The following KIF16B variants were observed in gnomAD, a reference collection of about 807,000 sequenced individuals.
KIF16B encodes the protein kinesin family member 16B.
In KIF16B, 98 loss-of-function variants were observed where a neutral mutation model predicts 156.3. The observed-to-expected ratio is 0.63, with a 90% CI of 0.53 to 0.74. KIF16B has a LOEUF of 0.74. Among genes scored for constraint, KIF16B ranks in the 30% least tolerant of loss-of-function variants. The pLI is 0.00. For synonymous variants in KIF16B, 564 were observed against 583.7 expected, an observed-to-expected ratio of 0.97 and a Z score of 0.49; for missense variants, 1,421 against 1,606.5, an observed-to-expected ratio of 0.88 and a Z score of 1.97.
chr20:16,335,934 A>G lies in KIF16B; in HGVS notation c.3703T>C (p.Tyr1235His). The G allele has an allele frequency of 6.3e-7, 1 of 1,594,840 alleles. No individual in the cohort carries two copies. Among genetic ancestry groups the G allele is most frequent in the Admixed American group, 1.7e-5 (1 of 59,608 alleles). ...ATAATTTCATAACTTACCTCTGCAT[A>G]CTTTAACTTCAATGTTTTATGCATT... ...REMHKTLKLK[Y>H]AELAALEFPP... The change falls in exon 24 of 26, where the codon TAT becomes CAT. Residue 1235 changes from tyrosine to histidine, a missense_variant. By Grantham distance (83) the Tyr-to-His change is moderately conservative (BLOSUM62 2). Transcript: ENST00000354981.
intron 15 of KIF16B, among the ~76,000 whole-genome samples, chr20:16,410,069 A>T (rs142700500): frequency 0.029 from 1,420 of 49,148 alleles, 129 homozygotes; most frequent in East Asian, 0.23. Flanking sequence ...ATATATATGT[A>T]GGTACATATA....
At chr20:16,554,843 G>A (rs935159712) in intron 1 of KIF16B, among the ~76,000 whole-genome samples, 13 of 152,350 alleles carry the variant, frequency 8.5e-5, no homozygotes, top group Admixed American at 6.5e-4. Flanking sequence ...CAGTACATCT[G>A]GTCCAGCTGC....
chr20:16,314,256 C>T (rs1272507643), intron 24 of KIF16B, among the ~76,000 whole-genome samples: 1 of 152,222 alleles, frequency 6.6e-6, no homozygotes, highest in African/African-American at 2.4e-5. Context: ...CTCTTTTGTC[C>T]ATTTTTAAAT....
At chr20:16,402,667 C>A (rs1373378622) in intron 17 of KIF16B, among the ~76,000 whole-genome samples, 1 of 152,128 alleles carries the variant, frequency 6.6e-6, no homozygotes, top group African/African-American at 2.4e-5. Flanking sequence ...ACAGGCTAGT[C>A]CACATGTGAC....
Position 16,474,099 on chromosome 20 carries a change from C to G in KIF16B, c.1302+20192G>C, listed in dbSNP as rs574507046. Among the ~76,000 whole-genome samples, 178 of 152,294 alleles carry G rather than the reference C, an allele frequency of 1.2e-3. 2 individuals carry two copies. Among genetic ancestry groups the G allele is most frequent in the African/African-American group, 4.0e-3 (168 of 41,564 alleles). ...TCTGAACTCAGGCCATCAGAAAGTC[C>G]TTCTTGCCCAATGCAGGACTCTTAA... On this transcript the variant is annotated intron_variant, in intron 12 of 25. Coordinates refer to ENST00000354981, the MANE Select transcript of KIF16B (RefSeq NM_024704.5).
chr20:16,368,505 C>T, intron 22 of KIF16B: 2 of 986,194 alleles, frequency 2.0e-6, no homozygotes, highest in Non-Finnish European at 2.4e-6. Context: ...ACAGATTCCC[C>T]ACAAGCCTGG....
At chr20:16,458,649 TATC>T (rs1568558233) in intron 12 of KIF16B, among the ~76,000 whole-genome samples, 1 of 151,958 alleles carries the variant, frequency 6.6e-6, no homozygotes, top group Non-Finnish European at 1.5e-5. Flanking sequence ...ATAGGACTAC[TATC>T]ACATGAAAAG....
intron 25 of KIF16B, among the ~76,000 whole-genome samples, chr20:16,305,384 T>G (rs1601533420): frequency 6.6e-6 from 1 of 152,312 alleles, no homozygotes; most frequent in East Asian, 1.9e-4. Flanking sequence ...TCTGGGCTAA[T>G]ATAGTGCTTT....
In KIF16B at chr20:16,404,920, C is replaced by A; in HGVS notation, c.1696-19G>T. 1 of 1,591,406 alleles carries A rather than the reference C, an allele frequency of 6.3e-7. No individual in the cohort carries two copies. The highest frequency in any genetic ancestry group is 8.6e-7 in the Non-Finnish European group (1 of 1,160,652). ...GGCCACTCTAAGGGCAGACACAGGG[C>A]AGAGTGGTTACCTTAGCAGAGAAGA... On this transcript the variant is annotated intron_variant, in intron 16 of 25. Coordinates refer to ENST00000354981, the MANE Select transcript of KIF16B (RefSeq NM_024704.5).
Position 16,379,713 on chromosome 20 carries a change from G to A in KIF16B, c.2289C>T (p.Ala763=), listed in dbSNP as rs1046589782. The change falls in exon 19 of 26, where the codon GCC becomes GCT. Residue 763 remains alanine (A), a synonymous_variant. Coordinates refer to ENST00000354981, the MANE Select transcript of KIF16B (RefSeq NM_024704.5). ...EQEKEQVMLV[A]HLEEQLREKQ... ...TCTCTCGGAGCTGCTCTTCCAGATG[G>A]GCCACGAGCATGACCTGCTCCTTCT... 2 of 1,614,052 alleles carry A rather than the reference G, an allele frequency of 1.2e-6. No homozygotes were observed. The highest frequency in any genetic ancestry group is 1.3e-5 in the African/African-American group (1 of 74,990).
At chr20:16,368,881 T>C (rs946307619) in intron 22 of KIF16B, 1 of 985,880 alleles carries the variant, frequency 1.0e-6, no homozygotes, top group Non-Finnish European at 1.2e-6. Context: ...CAAGCCATGT[T>C]TATCTTTATG....
chr20:16,345,685 A>T (rs1230586878), intron 23 of KIF16B, among the ~76,000 whole-genome samples: 1 of 152,202 alleles, frequency 6.6e-6, no homozygotes, highest in Non-Finnish European at 1.5e-5. Flanking sequence ...TAGTCTCTAA[A>T]CTGCCTTTAG....
At chr20:16,533,268 T>G (rs1208407109) in intron 1 of KIF16B, among the ~76,000 whole-genome samples, 3 of 152,138 alleles carry the variant, frequency 2.0e-5, no homozygotes, top group African/African-American at 7.2e-5. Context: ...TAGGAATCCC[T>G]GCTCTGACTC....
Position 16,573,272 on chromosome 20 carries a change from C to T in KIF16B, c.4G>A (p.Ala2Thr), listed in dbSNP as rs746446660. The T allele has an allele frequency of 1.2e-6, 2 of 1,609,604 alleles. No homozygotes were observed. Among genetic ancestry groups the T allele is most frequent in the Admixed American group, 1.7e-5 (1 of 59,776 alleles). Residue 2 changes from alanine to threonine, a missense_variant, in exon 1 of 26, where the codon GCA becomes ACA. Transcript: ENST00000354981. ...ACCCTCACGGCCACCTTGACCGATGCCATCGCTCATCCCGAACCAGCCCGC... is the reference window on the plus strand; with the variant it reads ...ACCCTCACGGCCACCTTGACCGATGTCATCGCTCATCCCGAACCAGCCCGC... MASVKVAVRVRP... is the reference protein window; with the variant it reads MTSVKVAVRVRP...
intron 24 of KIF16B, 41 bp from the exon 25 acceptor site, chr20:16,312,459 C>A: frequency 7.4e-7 from 1 of 1,347,426 alleles, no homozygotes; most frequent in Non-Finnish European, 1.1e-6. Context: ...AATAGCATAC[C>A]TGTTAATTGT....
intron 12 of KIF16B, among the ~76,000 whole-genome samples, chr20:16,447,741 C>T (rs1263647646): frequency 6.6e-6 from 1 of 152,128 alleles, no homozygotes; most frequent in Non-Finnish European, 1.5e-5. Context: ...GAAATGTAAA[C>T]TAAATTCAAT....
chr20:16,449,406 G>C (rs1314538996), intron 12 of KIF16B, among the ~76,000 whole-genome samples: 1 of 152,170 alleles, frequency 6.6e-6, no homozygotes, highest in Non-Finnish European at 1.5e-5. Flanking sequence ...ACATAAGAAA[G>C]TGACTTTCAC....
chr20:16,428,196 T>C (rs1413662724), intron 14 of KIF16B, among the ~76,000 whole-genome samples: 1 of 152,176 alleles, frequency 6.6e-6, no homozygotes, highest in African/African-American at 2.4e-5. Context: ...CAAAAGTAAC[T>C]GTGGTTTTTG....
intron 17 of KIF16B, among the ~76,000 whole-genome samples, chr20:16,397,919 C>T (rs1217057312): frequency 1.3e-5 from 2 of 152,248 alleles, no homozygotes; most frequent in African/African-American, 2.4e-5. Flanking sequence ...CCAAAACCTA[C>T]AGCTCAATGA....
Sources: allele counts gnomAD v4.1 joint callset (sites outside exome capture counted in the v4.1 genomes callset), GRCh38; gene constraint gnomAD v4.1.1; transcripts MANE v1.5; gene names NCBI Gene and HGNC (gene_info 2026-07-23, HGNC 2026-07-21).